Variants in RPS11 observed in about 807,000 individuals in gnomAD.
RPS11 encodes the protein small ribosomal subunit protein uS17.
For missense variants in RPS11, 127 were observed against 211.4 expected (o/e 0.60, Z 2.48); for synonymous variants, 107 against 78.0 (o/e 1.37, Z -1.96).
intron 4 of RPS11, among the ~76,000 whole-genome samples, chr19:49,498,472 C>G (rs1358853125): frequency 6.6e-6 from 1 of 152,178 alleles, no homozygotes; most frequent in East Asian, 1.9e-4. Context: ...CAGATTCTAG[C>G]CAGGCACCGT....
chr19:49,496,620 T>G (rs1279268628), intron 1 of RPS11, 149 bp downstream of exon 1: 3 of 824,072 alleles, frequency 3.6e-6, no homozygotes, highest in Non-Finnish European at 5.6e-6. Flanking sequence ...TGGAGGGCGC[T>G]TGCTTTTGTT....
rs781078037 is a variant in RPS11, at chr19:49,497,182, CAT to C, written c.16-10_16-9del. The C allele has an allele frequency of 1.9e-6, 3 of 1,611,532 alleles. No individual in the cohort carries two copies. Among genetic ancestry groups the C allele is most frequent in the Non-Finnish European group, 2.5e-6 (3 of 1,179,920 alleles). On this transcript the variant is annotated splice_polypyrimidine_tract_variant and intron_variant, in intron 1 of 4. Transcript: ENST00000270625. ...CTTAGCAGCTCATCAGTTTTCTCCT[CAT>C]AATCTGTAGACTGAGCGTGCCTACC...
chr19:49,496,555 A>G (rs1196832188), intron 1 of RPS11, 84 bp downstream of exon 1: 14 of 1,424,918 alleles, frequency 9.8e-6, no homozygotes, highest in Non-Finnish European at 1.2e-5. Context: ...CCCGGCGGCC[A>G]AGTTCGGGGG....
At chr19:49,497,883 T>A in intron 3 of RPS11, 34 bp from the exon 4 acceptor site, 2 of 1,614,014 alleles carry the variant, frequency 1.2e-6, no homozygotes, top group Non-Finnish European at 1.7e-6. Flanking sequence ...CTCTTTCCCA[T>A]GGGACCTGAC....
chr19:49,498,401 A>C (rs1000428049), intron 4 of RPS11: 1 of 302,098 alleles, frequency 3.3e-6, no homozygotes, highest in African/African-American at 2.2e-5. Flanking sequence ...TGTGTGAAAC[A>C]AAGTTTGCGT....
At chr19:49,497,872 C>A (rs372582350) in intron 3 of RPS11, 45 bp from the exon 4 acceptor site, 2 of 1,613,482 alleles carry the variant, frequency 1.2e-6, no homozygotes. Flanking sequence ...TACCTATGGC[C>A]CTCTTTCCCA....
chr19:49,497,147 C>G (rs768376302), intron 1 of RPS11, 47 bp from the exon 2 acceptor site: 5 of 1,606,232 alleles, frequency 3.1e-6, no homozygotes, highest in Non-Finnish European at 4.3e-6. Context: ...GGTTGGCTGC[C>G]GGCTTCAAAC....
In RPS11 at chr19:49,498,064, T is replaced by G. The variant is rs758844853; in HGVS notation, c.353+18T>G. The G allele has an allele frequency of 6.2e-7, 1 of 1,611,760 alleles. No homozygotes were observed. The highest frequency in any genetic ancestry group is 8.5e-7 in the Non-Finnish European group (1 of 1,179,900). ...TGCTTCAGGTGAGCGCAGTGGCCCA[T>G]CAGGTTGCTCAGGCCACGCTCTCTC... On this transcript the variant is annotated intron_variant, in intron 4 of 4. Transcript: ENST00000270625.
In RPS11 at chr19:49,497,510, A is replaced by G. The variant is rs375310024; in HGVS notation, c.148-10A>G. On this transcript the variant is annotated splice_polypyrimidine_tract_variant and intron_variant, in intron 2 of 4. Coordinates refer to ENST00000270625, the MANE Select transcript of RPS11 (RefSeq NM_001015.5). ...CAAGGCTCACTCCTTTATCTTTCCT[A>G]TCCTTTCAGGCTATTGAGGGCACCT... 4.3e-6 allele frequency: 7 copies of G among 1,613,274 alleles called. No individual in the cohort carries two copies. The highest frequency in any genetic ancestry group is 1.3e-5 in the African/African-American group (1 of 74,938).
chr19:49,498,501 C>T (rs950125213), intron 4 of RPS11, among the ~76,000 whole-genome samples: 2 of 152,200 alleles, frequency 1.3e-5, no homozygotes, highest in African/African-American at 2.4e-5. Context: ...CCAGTAATCC[C>T]AGCACTGTAG....
intron 4 of RPS11, among the ~76,000 whole-genome samples, chr19:49,498,583 C>T (rs1051249143): frequency 6.6e-6 from 1 of 152,010 alleles, no homozygotes; most frequent in Non-Finnish European, 1.5e-5. Context: ...AAAACCCTCT[C>T]TCTACAAAAA....
Position 49,498,026 on chromosome 19 carries a change from A to T in RPS11, c.333A>T (p.Val111=), listed in dbSNP as rs739346. The T allele has an allele frequency of 1.7e-3, 2,737 of 1,612,732 alleles. 21 individuals are homozygous for T. The highest frequency in any genetic ancestry group is 1.0e-2 in the South Asian group (910 of 91,024). The change falls in exon 4 of 5, where the codon GTA becomes GTT. Residue 111 remains valine (V), a synonymous_variant. Transcript: ENST00000270625. ...RFEKRHKNMS[V]HLSPCFRDVQ... ...AGAAGCGCCACAAGAACATGTCTGT[A>T]CACCTGTCCCCCTGCTTCAGGTGAG...
At chr19:49,497,350 A>AG (rs2079911572) in intron 2 of RPS11, 25 bp downstream of exon 2, 1 of 1,613,626 alleles carries the variant, frequency 6.2e-7, no homozygotes, top group African/African-American at 1.3e-5. Flanking sequence ...AGAAGAAAGA[A>AG]GGGGAACCTG....
rs767946395 is a variant in RPS11 at position 49,499,659 on chromosome 19, A to C, written c.*24A>C. 8 of 1,608,808 alleles carry C rather than the reference A, an allele frequency of 5.0e-6. No individual in the cohort carries two copies. The South Asian group carries it at 8.8e-5, about 18-fold the overall frequency. On this transcript the variant is annotated 3_prime_UTR_variant, in exon 5 of 5. Coordinates refer to ENST00000270625, the MANE Select transcript of RPS11 (RefSeq NM_001015.5). Reference sequence around the variant, plus strand: ...GAGGCTGGACATCGGCCCGCTCCCCACAATGAAATAAAGTTATTTTCTCAT... The same window carrying C: ...GAGGCTGGACATCGGCCCGCTCCCCCCAATGAAATAAAGTTATTTTCTCAT...
rs753545075 is a variant in RPS11 at position 49,497,268 on chromosome 19, G to A, written c.90G>A (p.Lys30=). 5 of 1,614,018 alleles carry A rather than the reference G, an allele frequency of 3.1e-6. No individual in the cohort carries two copies. The South Asian group carries it at 3.3e-5, about 11-fold the overall frequency. ...KKRVLLGETG[K]EKLPRYYKNI... Reference sequence around the variant, plus strand: ...GGGTCCTGCTGGGAGAAACTGGCAAGGAGAAGCTCCCGCGGTACTACAAGA... The same window carrying A: ...GGGTCCTGCTGGGAGAAACTGGCAAAGAGAAGCTCCCGCGGTACTACAAGA... Residue 30 remains lysine (K), a synonymous_variant, in exon 2 of 5, where the codon AAG becomes AAA. Coordinates refer to ENST00000270625, the MANE Select transcript of RPS11 (RefSeq NM_001015.5).
intron 1 of RPS11, 164 bp from the exon 2 acceptor site, chr19:49,497,030 G>A (rs2079909780): frequency 1.4e-6 from 1 of 692,496 alleles, no homozygotes; most frequent in Admixed American, 2.9e-5. Context: ...GGTCAGGGTG[G>A]TCATGTCTTA....
chr19:49,497,678 G>C (rs1410761415), intron 3 of RPS11, 83 bp downstream of exon 3: 1 of 1,362,784 alleles, frequency 7.3e-7, no homozygotes, highest in South Asian at 1.2e-5. Flanking sequence ...TCCTGGGTGA[G>C]AGGGGTGGTT....
chr19:49,497,497 CT>C (rs1568692246), intron 2 of RPS11, 22 bp from the exon 3 acceptor site: 1 of 1,612,524 alleles, frequency 6.2e-7, no homozygotes, highest in South Asian at 1.1e-5. Context: ...AGGCTCACTC[CT>C]TTATCTTTCC....
intron 4 of RPS11, among the ~76,000 whole-genome samples, chr19:49,498,818 A>G (rs2079920487): frequency 6.6e-6 from 1 of 152,190 alleles, no homozygotes. Flanking sequence ...TGAACCTGTA[A>G]TAGGCAGGTG....
Sources: allele counts gnomAD v4.1 joint callset (sites outside exome capture counted in the v4.1 genomes callset), GRCh38; gene constraint gnomAD v4.1.1; transcripts MANE v1.5; gene names NCBI Gene and HGNC (gene_info 2026-07-23, HGNC 2026-07-21).